The following SH3GL2 variants were observed in gnomAD, a reference collection of about 807,000 sequenced individuals.
The protein encoded by SH3GL2 is SH3 domain containing GRB2 like 2, endophilin A1.
A neutral mutation model predicts 46.0 loss-of-function variants in SH3GL2; 24 were observed. The ratio of observed to expected loss-of-function variants is 0.52; its 90% CI spans 0.38 to 0.73. The LOEUF (loss-of-function observed/expected upper bound fraction) is 0.73, where lower values mean the gene tolerates loss of function less well. Ranked by LOEUF, SH3GL2 falls within the 30% of genes least tolerant of loss-of-function variation. The pLI is 0.00. For synonymous variants in SH3GL2, 196 were observed against 147.1 expected (o/e 1.33, Z -2.40); for missense variants, 413 against 424.2 (o/e 0.97, Z 0.23).
At chr9:17,779,772 A>AC (rs1823751357) in intron 3 of SH3GL2, among the ~76,000 whole-genome samples, 1 of 151,838 alleles carries the variant, frequency 6.6e-6, no homozygotes, top group Non-Finnish European at 1.5e-5. Context: ...GGTTTTCTTT[A>AC]CCCCCCACCA....
At chr9:17,579,998 A>G (rs1442483558) in intron 1 of SH3GL2, among the ~76,000 whole-genome samples, 3 of 152,198 alleles carry the variant, frequency 2.0e-5, no homozygotes, top group African/African-American at 4.8e-5. Context: ...AATTGTTTTT[A>G]ATAAATCTTT....
chr9:17,691,756 A>G (rs1402795857), intron 1 of SH3GL2, among the ~76,000 whole-genome samples: 2 of 152,166 alleles, frequency 1.3e-5, no homozygotes, highest in African/African-American at 4.8e-5. Context: ...AATATAGATT[A>G]TAGATTTCCT....
chr9:17,749,885 C>T (rs147767550), intron 2 of SH3GL2, among the ~76,000 whole-genome samples: 1 of 152,264 alleles, frequency 6.6e-6, no homozygotes, highest in Non-Finnish European at 1.5e-5. Context: ...AGAAATGTTT[C>T]TGAAACTTTT....
chr9:17,651,488 T>C (rs1819958717), intron 1 of SH3GL2, among the ~76,000 whole-genome samples: 1 of 152,196 alleles, frequency 6.6e-6, no homozygotes, highest in Non-Finnish European at 1.5e-5. Flanking sequence ...TGTGTTTGCC[T>C]TTTTTCTGGT....
At chr9:17,755,056 C>G (rs892974099) in intron 2 of SH3GL2, among the ~76,000 whole-genome samples, 1 of 152,122 alleles carries the variant, frequency 6.6e-6, no homozygotes, top group Admixed American at 6.6e-5. Context: ...GCATCCTTGT[C>G]TTGTGCCGGT....
At chr9:17,732,268 G>A (rs1333197529) in intron 1 of SH3GL2, among the ~76,000 whole-genome samples, 1 of 152,122 alleles carries the variant, frequency 6.6e-6, no homozygotes, top group Non-Finnish European at 1.5e-5. Flanking sequence ...TGCCCTCAAG[G>A]TTTGCCACTG....
intron 1 of SH3GL2, among the ~76,000 whole-genome samples, chr9:17,734,776 T>G (rs1052521414): frequency 1.2e-4 from 19 of 152,036 alleles, no homozygotes; most frequent in Non-Finnish European, 7.4e-5. Flanking sequence ...GAAGTATATG[T>G]GTGGTTACCA....
intron 1 of SH3GL2, among the ~76,000 whole-genome samples, chr9:17,656,920 A>T (rs1820092995): frequency 6.6e-6 from 1 of 152,176 alleles, no homozygotes; most frequent in Non-Finnish European, 1.5e-5. Flanking sequence ...TATAGTGAAG[A>T]TTAAAAAAGT....
chr9:17,786,326 A>G lies in SH3GL2; in HGVS notation c.188-55A>G, dbSNP rs114742317. 4.5e-4 allele frequency: 697 copies of G among 1,548,100 alleles called. 1 individual carries two copies. The African/African-American group carries it at 7.8e-3, about 17-fold the overall frequency. On this transcript the variant is annotated intron_variant, in intron 3 of 8. Coordinates refer to ENST00000380607, the MANE Select transcript of SH3GL2 (RefSeq NM_003026.5). ...GAGACCTGATCCTCCATCCAGCCCT[A>G]TTTCCGCAGTGTCACATTGCCTACT...
At chr9:17,590,595 T>G (rs934267838) in intron 1 of SH3GL2, 13 of 152,218 alleles carry the variant, frequency 8.5e-5, no homozygotes, top group African/African-American at 3.1e-4. Flanking sequence ...GATCATTATA[T>G]TCACCTTAAA....
chr9:17,699,239 A>G (rs1353443679), intron 1 of SH3GL2, among the ~76,000 whole-genome samples: 1 of 152,054 alleles, frequency 6.6e-6, no homozygotes, highest in East Asian at 1.9e-4. Context: ...CTCTCTGTAT[A>G]AAACCATGAT....
intron 1 of SH3GL2, among the ~76,000 whole-genome samples, chr9:17,677,346 C>T (rs910658143): frequency 6.6e-6 from 1 of 152,006 alleles, no homozygotes; most frequent in Non-Finnish European, 1.5e-5. Flanking sequence ...CCTGGTGATA[C>T]GGTACTCTCA....
intron 1 of SH3GL2, among the ~76,000 whole-genome samples, chr9:17,667,688 G>A (rs781486453): frequency 1.1e-4 from 17 of 152,178 alleles, no homozygotes; most frequent in Non-Finnish European, 2.1e-4. Flanking sequence ...TGGAACTATC[G>A]AGTCATATGA....
chr9:17,606,825 A>G (rs1441800572), intron 1 of SH3GL2, among the ~76,000 whole-genome samples: 1 of 152,166 alleles, frequency 6.6e-6, no homozygotes. Context: ...AAAATTCAAG[A>G]TGTATTTTGG....
At chr9:17,673,184 T>C (rs543695581) in intron 1 of SH3GL2, among the ~76,000 whole-genome samples, 50 of 152,230 alleles carry the variant, frequency 3.3e-4, no homozygotes, top group African/African-American at 1.1e-3. Flanking sequence ...AGTCTCACTT[T>C]GTCACCCAGG....
intron 8 of SH3GL2, among the ~76,000 whole-genome samples, chr9:17,795,330 G>T (rs1452723243): frequency 6.6e-6 from 1 of 152,178 alleles, no homozygotes; most frequent in Non-Finnish European, 1.5e-5. Flanking sequence ...ACTTCCAAAG[G>T]TCCGAGAAAG....
At chr9:17,767,984 T>G (rs1220558895) in intron 3 of SH3GL2, among the ~76,000 whole-genome samples, 3 of 152,194 alleles carry the variant, frequency 2.0e-5, no homozygotes, top group Non-Finnish European at 4.4e-5. Context: ...TGTAAGTGAT[T>G]TAGACTTTTA....
chr9:17,741,177 C>A (rs1303992013), intron 1 of SH3GL2, among the ~76,000 whole-genome samples: 2 of 151,960 alleles, frequency 1.3e-5, no homozygotes, highest in South Asian at 4.1e-4. Context: ...TAAAGTAATT[C>A]TGTTTTAATA....
chr9:17,627,213 C>T (rs1225579813), intron 1 of SH3GL2, among the ~76,000 whole-genome samples: 1 of 152,164 alleles, frequency 6.6e-6, no homozygotes, highest in African/African-American at 2.4e-5. Flanking sequence ...ACCAATGAGA[C>T]ACCATCCTGT....
Sources: gnomAD v4.1 joint callset for allele counts (sites outside exome capture counted in the v4.1 genomes callset) on GRCh38, gnomAD v4.1.1 for gene constraint, MANE v1.5 for transcripts, NCBI Gene and HGNC (gene_info 2026-07-23, HGNC 2026-07-21) for gene names.